The following SAMD5 variants were observed in gnomAD, a reference collection of about 807,000 sequenced individuals.
The protein encoded by SAMD5 is sterile alpha motif domain containing 5, also known as sterile alpha motif domain-containing protein 5.
SAMD5 carries 13 observed loss-of-function variants against 11.3 expected under a neutral mutation model. That is an observed-to-expected ratio of 1.15 (90% CI 0.75 to 1.83). The LOEUF is 1.83. Ranked by LOEUF, SAMD5 falls within the 40% of genes most tolerant of loss-of-function variation. The pLI is 0.00. For synonymous variants in SAMD5, 129 were observed against 111.3 expected, an observed-to-expected ratio of 1.16 and a Z score of -1.00; for missense variants, 255 against 239.1, an observed-to-expected ratio of 1.07 and a Z score of -0.44.
At chr6:147,681,575 T>G (rs1310899773) in intron 1 of SAMD5, among the ~76,000 whole-genome samples, 3 of 152,220 alleles carry the variant, frequency 2.0e-5, no homozygotes, top group Non-Finnish European at 4.4e-5. Context: ...TTTTCTTGCT[T>G]CTTTACATGC....
the SAMD5 span, among the ~76,000 whole-genome samples, chr6:147,776,671 A>G: frequency 6.6e-6 from 1 of 152,236 alleles, no homozygotes; most frequent in Non-Finnish European, 1.5e-5. Context: ...GTTGCTTTCC[A>G]AAGTGTAGAA....
At chr6:147,761,277 C>A in the SAMD5 span, among the ~76,000 whole-genome samples, 1 of 151,986 alleles carries the variant, frequency 6.6e-6, no homozygotes, top group Admixed American at 6.6e-5. Flanking sequence ...TACTATTGAA[C>A]GTTTTGTTAA....
At chr6:147,865,038 G>A in the SAMD5 span, among the ~76,000 whole-genome samples, 2 of 152,134 alleles carry the variant, frequency 1.3e-5, no homozygotes, top group African/African-American at 4.8e-5. Flanking sequence ...ACCTCCATTA[G>A]GGAAGTAAAA....
the SAMD5 span, among the ~76,000 whole-genome samples, chr6:147,928,272 TG>T: frequency 6.6e-6 from 1 of 152,296 alleles, no homozygotes; most frequent in East Asian, 1.9e-4. Flanking sequence ...AGAATTCCAC[TG>T]TGAATCCATC....
chr6:147,626,625 T>C (rs1469913805), intron 1 of SAMD5, among the ~76,000 whole-genome samples: 2 of 151,274 alleles, frequency 1.3e-5, no homozygotes, highest in East Asian at 1.9e-4. Context: ...AAGGTCCTTT[T>C]GAATATTAAA....
At chr6:147,632,447 G>A (rs1293481640) in intron 1 of SAMD5, among the ~76,000 whole-genome samples, 1 of 152,148 alleles carries the variant, frequency 6.6e-6, no homozygotes, top group Non-Finnish European at 1.5e-5. Flanking sequence ...TAGTGGAGAG[G>A]GGCAGAAAGT....
intron 1 of SAMD5, among the ~76,000 whole-genome samples, chr6:147,600,697 C>G (rs1040063458): frequency 6.6e-6 from 1 of 152,174 alleles, no homozygotes; most frequent in Non-Finnish European, 1.5e-5. Flanking sequence ...AAAAATGGCA[C>G]TAATGAGATG....
chr6:147,904,963 A>C, the SAMD5 span, among the ~76,000 whole-genome samples: 1 of 149,814 alleles, frequency 6.7e-6, no homozygotes, highest in African/African-American at 2.5e-5. Flanking sequence ...ATCTCGGCTC[A>C]CTGCAACCTC....
At chr6:147,940,446 T>G in the SAMD5 span, among the ~76,000 whole-genome samples, 1 of 152,164 alleles carries the variant, frequency 6.6e-6, no homozygotes, top group Admixed American at 6.5e-5. Context: ...GCTGTATGCT[T>G]TTACTTAGTC....
chr6:147,620,072 C>T (rs1407101071), intron 1 of SAMD5, among the ~76,000 whole-genome samples: 1 of 152,126 alleles, frequency 6.6e-6, no homozygotes, highest in Admixed American at 6.5e-5. Context: ...CCCGGAGCCA[C>T]GTGTAGCCCT....
At chr6:147,894,412 A>G in the SAMD5 span, among the ~76,000 whole-genome samples, 22 of 152,174 alleles carry the variant, frequency 1.4e-4, no homozygotes, top group South Asian at 4.6e-3. Flanking sequence ...GTGAGCCACC[A>G]CATCCAGCCT....
chr6:147,840,263 T>A, the SAMD5 span, among the ~76,000 whole-genome samples: 1 of 152,266 alleles, frequency 6.6e-6, no homozygotes, highest in African/African-American at 2.4e-5. Flanking sequence ...GTATATTCAC[T>A]GATTCGTTCT....
chr6:147,555,692 G>C (rs938408280), intron 1 of SAMD5, among the ~76,000 whole-genome samples: 2 of 152,146 alleles, frequency 1.3e-5, no homozygotes, highest in Non-Finnish European at 1.5e-5. Context: ...GGGGGAAAAA[G>C]TCAATCAAAA....
chr6:147,862,663 A>G, the SAMD5 span, among the ~76,000 whole-genome samples: 10 of 152,204 alleles, frequency 6.6e-5, no homozygotes, highest in Admixed American at 1.3e-4. Context: ...TTACCCTAAA[A>G]TAAGTATAGC....
the SAMD5 span, among the ~76,000 whole-genome samples, chr6:147,758,723 G>T: frequency 6.6e-6 from 1 of 152,106 alleles, no homozygotes; most frequent in African/African-American, 2.4e-5. Flanking sequence ...TTTACTTGCA[G>T]TTGGGATTAA....
intron 1 of SAMD5, among the ~76,000 whole-genome samples, chr6:147,590,706 T>A (rs1487173436): frequency 6.6e-6 from 1 of 152,186 alleles, no homozygotes; most frequent in Non-Finnish European, 1.5e-5. Context: ...CCACTGCGCC[T>A]GGCCTCAGTA....
At chr6:147,924,422 T>C in the SAMD5 span, among the ~76,000 whole-genome samples, 1 of 151,914 alleles carries the variant, frequency 6.6e-6, no homozygotes, top group Non-Finnish European at 1.5e-5. Context: ...TTATAAAGAG[T>C]CTTCATATTA....
intron 1 of SAMD5, among the ~76,000 whole-genome samples, chr6:147,586,611 T>C (rs910572094): frequency 6.6e-6 from 1 of 152,044 alleles, no homozygotes; most frequent in African/African-American, 2.4e-5. Context: ...ATATTTTTAA[T>C]CACTATTTCT....
rs767064203 is a variant in SAMD5, at chr6:147,508,892, TG to T, written c.-34del. ...GGTGCCGCCCGTGCCATTTGGGCGCTGGGAAGGTGCTCGGCGGCGGGGTTCC... is the reference window on the plus strand; with the variant it reads ...GGTGCCGCCCGTGCCATTTGGGCGCTGGAAGGTGCTCGGCGGCGGGGTTCC... On this transcript the variant is annotated 5_prime_UTR_variant, in exon 1 of 2. Transcript: ENST00000367474. The T allele has an allele frequency of 6.3e-7, 1 of 1,583,656 alleles. No homozygotes were observed. The highest frequency in any genetic ancestry group is 1.8e-5 in the Admixed American group (1 of 55,876).
Sources: allele counts gnomAD v4.1 joint callset (sites outside exome capture counted in the v4.1 genomes callset), GRCh38; gene constraint gnomAD v4.1.1; transcripts MANE v1.5; gene names NCBI Gene and HGNC (gene_info 2026-07-23, HGNC 2026-07-21).